Variants in RGS7 observed in about 807,000 individuals in gnomAD.
RGS7 encodes regulator of G protein signaling 7.
Under a neutral mutation model 81.1 loss-of-function variants are expected in RGS7, and 27 were observed. That is an observed-to-expected ratio of 0.33 (90% CI 0.25 to 0.46). The LOEUF (loss-of-function observed/expected upper bound fraction) is 0.46. Among genes scored for constraint, RGS7 ranks in the 20% least tolerant of loss-of-function variants. The probability of loss-of-function intolerance (pLI) is 1.00; values close to 1 mark genes in which losing one functional copy is unlikely to be tolerated. For missense variants in RGS7, 396 were observed against 607.4 expected (o/e 0.65, Z 3.66); for synonymous variants, 208 against 207.7 (o/e 1.00, Z -0.01).
At chr1:241,302,472 C>A (rs1467573781) in intron 2 of RGS7, among the ~76,000 whole-genome samples, 1 of 152,082 alleles carries the variant, frequency 6.6e-6, no homozygotes, top group Non-Finnish European at 1.5e-5. Context: ...TGGCCTGAAC[C>A]CGGGAGGCGG....
intron 3 of RGS7, among the ~76,000 whole-genome samples, chr1:241,002,202 T>C (rs1431637308): frequency 6.6e-6 from 1 of 152,004 alleles, no homozygotes; most frequent in Non-Finnish European, 1.5e-5. Context: ...ATCCCAGCAC[T>C]TTGGGAGGCC....
chr1:241,180,608 C>T (rs1165518128), intron 2 of RGS7, among the ~76,000 whole-genome samples: 2 of 152,138 alleles, frequency 1.3e-5, no homozygotes, highest in Non-Finnish European at 2.9e-5. Context: ...CCATGTGGGA[C>T]AGTGTTTCCA....
intron 3 of RGS7, among the ~76,000 whole-genome samples, chr1:241,033,860 G>A (rs546619976): frequency 5.1e-4 from 78 of 151,996 alleles, no homozygotes; most frequent in African/African-American, 1.7e-3. Flanking sequence ...GTTTACTGTC[G>A]AATATACTCA....
At chr1:241,156,478 C>T (rs930993092) in intron 2 of RGS7, among the ~76,000 whole-genome samples, 4 of 151,192 alleles carry the variant, frequency 2.6e-5, no homozygotes, top group African/African-American at 9.8e-5. Context: ...TGCACTCCAG[C>T]CTGGGCAACA....
At chr1:241,069,484 T>C (rs76609631) in intron 3 of RGS7, among the ~76,000 whole-genome samples, 3,206 of 152,256 alleles carry the variant, frequency 0.021, 132 homozygotes, top group African/African-American at 0.074. Flanking sequence ...ATCTTCCCTA[T>C]ATGTCAATAA....
At chr1:240,884,147 T>A (rs1666940394) in intron 6 of RGS7, among the ~76,000 whole-genome samples, 1 of 141,474 alleles carries the variant, frequency 7.1e-6, no homozygotes, top group African/African-American at 2.6e-5. Context: ...TGTTTCTCAA[T>A]CAGGGAAGGC....
intron 2 of RGS7, among the ~76,000 whole-genome samples, chr1:241,338,239 A>AG (rs1240352868): frequency 6.6e-6 from 1 of 152,172 alleles, no homozygotes; most frequent in Non-Finnish European, 1.5e-5. Flanking sequence ...GATAGTACCG[A>AG]GGGGGGAAAT....
intron 2 of RGS7, among the ~76,000 whole-genome samples, chr1:241,242,827 T>C (rs1241920764): frequency 6.6e-6 from 1 of 152,068 alleles, no homozygotes; most frequent in East Asian, 1.9e-4. Context: ...TTTGATGAGA[T>C]TGTTTGTTTT....
chr1:241,356,046 G>T (rs2083542466), intron 1 of RGS7, among the ~76,000 whole-genome samples: 2 of 152,182 alleles, frequency 1.3e-5, no homozygotes, highest in African/African-American at 2.4e-5. Context: ...TAGCCATTTG[G>T]TTATTGTTTT....
chr1:240,882,040 G>A (rs923102825), intron 6 of RGS7, among the ~76,000 whole-genome samples: 1 of 152,022 alleles, frequency 6.6e-6, no homozygotes, highest in African/African-American at 2.4e-5. Context: ...TCAGCCTCCC[G>A]AGTAGCTGGA....
In RGS7 at chr1:241,043,680, T is replaced by C. The variant is rs139514682; in HGVS notation, c.175+54986A>G. The stretch of plus-strand genomic sequence containing the variant: ...TATATAATATTATGTTATATCTATA[T>C]ATAGATATGAGAAAAAGCAAAAAAC... On this transcript the variant is annotated intron_variant, in intron 3 of 18. Coordinates refer to ENST00000440928, the MANE Select transcript of RGS7 (RefSeq NM_001364886.1). Among the ~76,000 whole-genome samples, 1,368 of 148,990 alleles carry C rather than the reference T, an allele frequency of 9.2e-3. 23 individuals are homozygous for C. The highest frequency in any genetic ancestry group is 0.032 in the African/African-American group (1,291 of 40,880).
intron 9 of RGS7, among the ~76,000 whole-genome samples, chr1:240,866,024 G>A (rs761197992): frequency 7.9e-5 from 12 of 152,198 alleles, no homozygotes; most frequent in Admixed American, 6.5e-4. Context: ...CTTTGGACAA[G>A]TGTCAGCATT....
chr1:241,036,760 T>C (rs2060350511), intron 3 of RGS7, among the ~76,000 whole-genome samples: 1 of 152,206 alleles, frequency 6.6e-6, no homozygotes, highest in Non-Finnish European at 1.5e-5. Flanking sequence ...ATAGGCTGCA[T>C]ATGCCTAGCT....
intron 4 of RGS7, among the ~76,000 whole-genome samples, chr1:240,948,457 TA>T (rs1679014675): frequency 6.6e-6 from 1 of 152,196 alleles, no homozygotes; most frequent in African/African-American, 2.4e-5. Context: ...TTTATTTATT[TA>T]TTTTTTTGAG....
At chr1:241,013,918 G>A (rs540932111) in intron 3 of RGS7, among the ~76,000 whole-genome samples, 6 of 152,282 alleles carry the variant, frequency 3.9e-5, no homozygotes, top group East Asian at 1.9e-4. Context: ...CATATTAATG[G>A]GGCCTTTCAG....
At chr1:241,233,675 T>C (rs532577979) in intron 2 of RGS7, among the ~76,000 whole-genome samples, 50 of 152,336 alleles carry the variant, frequency 3.3e-4, no homozygotes, top group African/African-American at 1.2e-3. Context: ...TTTTGGCTAT[T>C]GTGAGCACTG....
chr1:240,924,150 T>C (rs1674034500), intron 6 of RGS7, among the ~76,000 whole-genome samples: 1 of 152,208 alleles, frequency 6.6e-6, no homozygotes, highest in Non-Finnish European at 1.5e-5. Context: ...AAAATTACTA[T>C]TTATCTCAAA....
At chr1:240,843,491 C>G (rs1658499338) in intron 9 of RGS7, among the ~76,000 whole-genome samples, 1 of 152,124 alleles carries the variant, frequency 6.6e-6, no homozygotes, top group South Asian at 2.1e-4. Context: ...GTCTTCAACT[C>G]CTGACCTCAA....
At chr1:241,259,626 GACA>G (rs1162986123) in intron 2 of RGS7, among the ~76,000 whole-genome samples, 4 of 96,826 alleles carry the variant, frequency 4.1e-5, no homozygotes, top group African/African-American at 1.6e-4. Flanking sequence ...CTCCAGCCTG[GACA>G]ACAAGAGCGA....
Sources: allele counts gnomAD v4.1 joint callset (sites outside exome capture counted in the v4.1 genomes callset), GRCh38; gene constraint gnomAD v4.1.1; transcripts MANE v1.5; gene names NCBI Gene and HGNC (gene_info 2026-07-23, HGNC 2026-07-21).